Variants in SEMA6D observed in about 807,000 individuals in gnomAD.
SEMA6D encodes semaphorin-6D.
A neutral mutation model predicts 106.6 loss-of-function variants in SEMA6D; 35 were observed. The ratio of observed to expected loss-of-function variants is 0.33; its 90% CI spans 0.25 to 0.44. The LOEUF is 0.44. Among genes scored for constraint, SEMA6D ranks in the 20% least tolerant of loss-of-function variants. SEMA6D has a pLI of 1.00. For missense variants in SEMA6D, 1,185 were observed against 1,345.9 expected (o/e 0.88, Z 1.87); for synonymous variants, 499 against 487.7 (o/e 1.02, Z -0.31).
chr15:47,368,335 A>G (rs966845084), intron 1 of SEMA6D, among the ~76,000 whole-genome samples: 5 of 152,124 alleles, frequency 3.3e-5, no homozygotes, highest in Non-Finnish European at 7.4e-5. Context: ...CTCCAACACC[A>G]TCATTAGGCA....
chr15:47,188,775 C>G (rs1326390600), intron 1 of SEMA6D, among the ~76,000 whole-genome samples: 1 of 152,170 alleles, frequency 6.6e-6, no homozygotes. Context: ...GAAGTACAAT[C>G]AAGCCTGCAA....
At chr15:47,750,348 G>T (rs1366659540) in intron 1 of SEMA6D, among the ~76,000 whole-genome samples, 3 of 152,132 alleles carry the variant, frequency 2.0e-5, no homozygotes, top group African/African-American at 7.2e-5. Flanking sequence ...GAAAAAACAG[G>T]TTTCTACAGT....
chr15:47,617,328 G>A (rs1339333459), intron 4 of SEMA6D, among the ~76,000 whole-genome samples: 5 of 152,152 alleles, frequency 3.3e-5, no homozygotes, highest in Admixed American at 6.5e-5. Context: ...GAAAATTAGC[G>A]AGACTAAGGG....
intron 1 of SEMA6D, among the ~76,000 whole-genome samples, chr15:47,220,467 A>G (rs1432788355): frequency 6.6e-6 from 1 of 152,182 alleles, no homozygotes; most frequent in East Asian, 1.9e-4. Context: ...GCTGTAGAAC[A>G]TGCTTATCTG....
At chr15:47,273,242 G>A (rs977177654) in intron 1 of SEMA6D, among the ~76,000 whole-genome samples, 1 of 105,826 alleles carries the variant, frequency 9.4e-6, no homozygotes, top group Non-Finnish European at 2.0e-5. Flanking sequence ...GCCTTCTTTT[G>A]TCTTGCCTTA....
intron 3 of SEMA6D, among the ~76,000 whole-genome samples, chr15:47,564,128 T>C (rs776787549): frequency 1.3e-5 from 2 of 152,236 alleles, no homozygotes; most frequent in Admixed American, 1.3e-4. Flanking sequence ...TGTTTACTCA[T>C]AGGTCTTGAG....
intron 1 of SEMA6D, among the ~76,000 whole-genome samples, chr15:47,315,489 T>A (rs1399218220): frequency 6.6e-6 from 1 of 152,264 alleles, no homozygotes; most frequent in Non-Finnish European, 1.5e-5. Flanking sequence ...ACTGTCTTCA[T>A]GATTGTATCT....
chr15:47,744,112 A>G (rs1385585760), intron 1 of SEMA6D, among the ~76,000 whole-genome samples: 1 of 152,248 alleles, frequency 6.6e-6, no homozygotes, highest in Admixed American at 6.5e-5. Flanking sequence ...AAGATAAAGT[A>G]GAGAACAGAC....
chr15:47,389,484 CCACT>C (rs772212055), intron 1 of SEMA6D, among the ~76,000 whole-genome samples: 30 of 151,790 alleles, frequency 2.0e-4, no homozygotes, highest in Admixed American at 3.3e-4. Flanking sequence ...TTCTAGGAAT[CCACT>C]CACTCACCCC....
At chr15:47,558,727 A>C (rs972573814) in intron 3 of SEMA6D, among the ~76,000 whole-genome samples, 1 of 152,132 alleles carries the variant, frequency 6.6e-6, no homozygotes, top group Non-Finnish European at 1.5e-5. Flanking sequence ...ATGGAAAATA[A>C]TAACAGCTTT....
intron 1 of SEMA6D, among the ~76,000 whole-genome samples, chr15:47,319,700 G>A (rs1388892854): frequency 1.3e-5 from 2 of 152,078 alleles, no homozygotes; most frequent in Admixed American, 6.6e-5. Context: ...TTATTAAGAA[G>A]AACAGAGTGC....
chr15:47,596,704 T>A (rs1040382752), intron 3 of SEMA6D, among the ~76,000 whole-genome samples: 9 of 151,736 alleles, frequency 5.9e-5, no homozygotes, highest in African/African-American at 1.9e-4. Context: ...TAACAAAGAG[T>A]GTTGGGAAAA....
Position 47,541,523 on chromosome 15 carries a change from A to G in SEMA6D, c.-86-59342A>G, listed in dbSNP as rs148718605. On this transcript the variant is annotated intron_variant, in intron 3 of 19. Transcript: ENST00000558014. ...ATGTTTCTAACAGCATTTTCTATGT[A>G]GTAAGATGGTGCCAGAGACACAGGA... Among the ~76,000 whole-genome samples the G allele has an allele frequency of 4.9e-3, 749 of 152,280 alleles. 9 individuals carry two copies. The highest frequency in any genetic ancestry group is 0.017 in the African/African-American group (713 of 41,554).
chr15:47,265,897 G>T (rs1453138673), intron 1 of SEMA6D, among the ~76,000 whole-genome samples: 1 of 152,074 alleles, frequency 6.6e-6, no homozygotes, highest in Non-Finnish European at 1.5e-5. Context: ...CCATAGTCAC[G>T]TTGGGATGAC....
intron 4 of SEMA6D, among the ~76,000 whole-genome samples, chr15:47,635,866 A>G (rs2077377684): frequency 6.6e-6 from 1 of 152,022 alleles, no homozygotes; most frequent in African/African-American, 2.4e-5. Context: ...TTAACTAAAT[A>G]CAAGGTGAGA....
At chr15:47,267,029 C>G (rs2034352542) in intron 1 of SEMA6D, among the ~76,000 whole-genome samples, 1 of 152,258 alleles carries the variant, frequency 6.6e-6, no homozygotes, top group African/African-American at 2.4e-5. Flanking sequence ...AGAAACATCT[C>G]CAGTAATTCT....
chr15:47,476,053 A>C (rs1025451671), intron 3 of SEMA6D, among the ~76,000 whole-genome samples: 3 of 152,202 alleles, frequency 2.0e-5, no homozygotes, highest in African/African-American at 7.2e-5. Flanking sequence ...GACATTTATC[A>C]TGGATCCTGA....
intron 1 of SEMA6D, among the ~76,000 whole-genome samples, chr15:47,336,967 A>T (rs2037588502): frequency 6.6e-6 from 1 of 152,136 alleles, no homozygotes; most frequent in Non-Finnish European, 1.5e-5. Context: ...GGAAGAGTTT[A>T]ACAGTGGTGG....
chr15:47,411,883 C>G (rs1308215174), intron 1 of SEMA6D, among the ~76,000 whole-genome samples: 1 of 152,126 alleles, frequency 6.6e-6, no homozygotes, highest in Admixed American at 6.5e-5. Flanking sequence ...AATTTGGAAA[C>G]TTCTCTTGAG....
Sources: allele counts gnomAD v4.1 joint callset (sites outside exome capture counted in the v4.1 genomes callset), GRCh38; gene constraint gnomAD v4.1.1; transcripts MANE v1.5; gene names NCBI Gene and HGNC (gene_info 2026-07-23, HGNC 2026-07-21).